DUSP11: variants seen among roughly 807,000 people sequenced by gnomAD.
The protein encoded by DUSP11 is RNA/RNP complex-1-interacting phosphatase.
In DUSP11, 27 loss-of-function variants were observed where a neutral mutation model predicts 41.4. The ratio of observed to expected loss-of-function variants is 0.65; its 90% CI spans 0.48 to 0.90. The LOEUF (loss-of-function observed/expected upper bound fraction) is 0.90, where lower values mean the gene tolerates loss of function less well. DUSP11 is among the 40% of genes least tolerant of loss of function. The pLI is 0.00. For synonymous variants in DUSP11, 188 were observed against 159.3 expected (o/e 1.18, Z -1.35); for missense variants, 465 against 461.1 (o/e 1.01, Z -0.08).
intron 8 of DUSP11, 93 bp downstream of exon 8, chr2:73,766,323 ACG>A: frequency 8.6e-7 from 1 of 1,158,714 alleles, no homozygotes; most frequent in Non-Finnish European, 1.2e-6. Context: ...AAAAAAAAAA[ACG>A]AAGAATTCCT....
intron 2 of DUSP11, among the ~76,000 whole-genome samples, chr2:73,776,625 G>C (rs574988714): frequency 8.0e-4 from 122 of 152,136 alleles, no homozygotes; most frequent in Non-Finnish European, 1.6e-3. Context: ...CTAGAGGTTA[G>C]GTATGCGTGA....
At chr2:73,771,129 A>T (rs1672565074) in intron 4 of DUSP11, among the ~76,000 whole-genome samples, 1 of 152,072 alleles carries the variant, frequency 6.6e-6, no homozygotes, top group Non-Finnish European at 1.5e-5. Context: ...TATATATTCC[A>T]TGTATTTATT....
At chr2:73,764,898 G>A (rs1226417524) in intron 8 of DUSP11, among the ~76,000 whole-genome samples, 1 of 152,112 alleles carries the variant, frequency 6.6e-6, no homozygotes, top group Non-Finnish European at 1.5e-5. Flanking sequence ...CCTGGGAGGT[G>A]GAGGTTGCAG....
rs72915469 is a variant in DUSP11, at chr2:73,771,364, G to T, written c.575-2039C>A. Among the ~76,000 whole-genome samples the T allele has an allele frequency of 2.7e-3, 417 of 152,288 alleles. 2 individuals are homozygous for T. The highest frequency in any genetic ancestry group is 9.5e-3 in the African/African-American group (393 of 41,574). On this transcript the variant is annotated intron_variant, in intron 4 of 8. Coordinates refer to ENST00000272444, the Ensembl canonical transcript of DUSP11. ...TGTGCCTAATCCCCAAAACTGGGCT[G>T]CCCTTTTCTCATACTGGCAAAATTC...
Position 73,767,194 on chromosome 2 carries a change from CATCA to C in DUSP11, c.645_648del (p.Ile215MetfsTer2). 3 of 1,612,134 alleles carry C rather than the reference CATCA, an allele frequency of 1.9e-6. No homozygotes were observed. The highest frequency in any genetic ancestry group is 2.5e-6 in the Non-Finnish European group (3 of 1,178,868). On this transcript the variant is annotated frameshift_variant, in exon 6 of 9. Transcript: ENST00000272444. LOFTEE classifies it high-confidence loss of function. ...GCATCATCTGGCCTCACGCCTTCTA[CATCA>C]ATCAAATATCTAACAAAACAACATA...
intron 4 of DUSP11, among the ~76,000 whole-genome samples, chr2:73,770,137 T>C (rs1415639893): frequency 7.8e-6 from 1 of 128,660 alleles, no homozygotes; most frequent in Non-Finnish European, 1.6e-5. Flanking sequence ...CTACTAAAAG[T>C]ACAAAAAATT....
At chr2:73,777,473 C>T (rs1384947116) in intron 2 of DUSP11, among the ~76,000 whole-genome samples, 1 of 152,218 alleles carries the variant, frequency 6.6e-6, no homozygotes, top group Non-Finnish European at 1.5e-5. Flanking sequence ...TTTGTCTTCA[C>T]CTTCTCATCT....
chr2:73,769,816 C>T (rs927404735), intron 4 of DUSP11, among the ~76,000 whole-genome samples: 1 of 152,162 alleles, frequency 6.6e-6, no homozygotes, highest in Admixed American at 6.5e-5. Flanking sequence ...CTGTGAAGTA[C>T]TCAGGTAAAT....
At chr2:73,774,627 T>C (rs1011029522) in intron 3 of DUSP11, among the ~76,000 whole-genome samples, 2 of 152,242 alleles carry the variant, frequency 1.3e-5, no homozygotes, top group Non-Finnish European at 2.9e-5. Flanking sequence ...ACAAGTGGAA[T>C]CATATATTTG....
chr2:73,770,450 G>A (rs1350114856), intron 4 of DUSP11, among the ~76,000 whole-genome samples: 1 of 151,482 alleles, frequency 6.6e-6, no homozygotes, highest in Non-Finnish European at 1.5e-5. Flanking sequence ...AGGAGACGGA[G>A]GTTGCAGTGT....
In DUSP11 at chr2:73,777,281, A is replaced by ATGACTCATTTT. The variant is rs567044313; in HGVS notation, c.318+1009_318+1019dup. Among the ~76,000 whole-genome samples the ATGACTCATTTT allele has an allele frequency of 2.5e-3, 383 of 152,340 alleles. 1 individual carries two copies. The highest frequency in any genetic ancestry group is 8.7e-3 in the African/African-American group (363 of 41,582). On this transcript the variant is annotated intron_variant, in intron 2 of 8. Transcript: ENST00000272444. Reference sequence around the variant, plus strand: ...CATGATCCAACAGGCCTGGCCTGAAATGACTCATTTTTAAGCCCAGACATG... The same window carrying ATGACTCATTTT: ...CATGATCCAACAGGCCTGGCCTGAAATGACTCATTTTTGACTCATTTTTAAGCCCAGACATG...
chr2:73,765,668 T>G (rs529585003), intron 8 of DUSP11, among the ~76,000 whole-genome samples: 1 of 152,286 alleles, frequency 6.6e-6, no homozygotes, highest in Non-Finnish European at 1.5e-5. Flanking sequence ...CATACTGAGG[T>G]CTTCCCCATT....
At chr2:73,773,650 AC>A in intron 4 of DUSP11, 149 bp downstream of exon 4, 2 of 780,870 alleles carry the variant, frequency 2.6e-6, no homozygotes, top group Non-Finnish European at 4.0e-6. Context: ...AAAAGGAAAA[AC>A]ATCTTACCCT....
chr2:73,762,932 A>G lies in DUSP11; in HGVS notation c.936-73T>C, dbSNP rs144685492. Reference sequence around the variant, plus strand: ...TAATTTTTATTTATTTTAAATTTATATTTTCATAAAATATTTTAAATTTAT... The same window carrying G: ...TAATTTTTATTTATTTTAAATTTATGTTTTCATAAAATATTTTAAATTTAT... On this transcript the variant is annotated intron_variant, in intron 8 of 8. Coordinates refer to ENST00000272444, the Ensembl canonical transcript of DUSP11. 5.8e-5 allele frequency: 36 copies of G among 619,242 alleles called. No individual in the cohort carries two copies. The African/African-American group carries it at 7.0e-4, about 12-fold the overall frequency. The allele number at this position is 619,242 out of a possible 1,614,324, so 38.4% of individuals were successfully genotyped here. A position where few individuals can be genotyped will look rare whatever the true frequency, so the allele number is the denominator to read the frequency against.
Position 73,766,930 on chromosome 2 carries a change from T to A in DUSP11, c.683-27A>T, listed in dbSNP as rs763042301. 4 of 1,590,112 alleles carry A rather than the reference T, an allele frequency of 2.5e-6. No homozygotes were observed. The South Asian group carries it at 4.5e-5, about 18-fold the overall frequency. On this transcript the variant is annotated intron_variant, in intron 6 of 8. Coordinates refer to ENST00000272444, the Ensembl canonical transcript of DUSP11. The stretch of plus-strand genomic sequence containing the variant: ...TGAGGAGAGGATAAACTGTTAGAAA[T>A]AACTGTACAAAAAGCAGATCTTTCC...
At chr2:73,773,455 C>A in intron 4 of DUSP11, 1 of 387,670 alleles carries the variant, frequency 2.6e-6, no homozygotes, top group East Asian at 8.1e-5. Flanking sequence ...TCACATAACT[C>A]TAAGACTCAG....
chr2:73,779,937 C>G (rs772617567), exon 1 of DUSP11: 3 of 1,614,132 alleles, frequency 1.9e-6, no homozygotes, highest in Non-Finnish European at 2.5e-6. Context: ...GTCGCGTCTC[C>G]GGCCCCAGCC....
chr2:73,766,705 A>G, intron 7 of DUSP11, 111 bp from the exon 8 acceptor site: 2 of 1,364,386 alleles, frequency 1.5e-6, no homozygotes, highest in Non-Finnish European at 1.0e-6. Context: ...TCCCATTCCT[A>G]TTTGTTTACA....
intron 8 of DUSP11, among the ~76,000 whole-genome samples, chr2:73,764,072 T>C (rs1165552756): frequency 6.6e-6 from 1 of 152,152 alleles, no homozygotes; most frequent in Non-Finnish European, 1.5e-5. Context: ...ATCTGACACA[T>C]GGAAGGGAGT....
Sources: allele counts gnomAD v4.1 joint callset (sites outside exome capture counted in the v4.1 genomes callset), GRCh38; gene constraint gnomAD v4.1.1; transcripts MANE v1.5; gene names NCBI Gene and HGNC (gene_info 2026-07-23, HGNC 2026-07-21).